FRMPD4: variants seen among roughly 807,000 people sequenced by gnomAD.
The protein encoded by FRMPD4 is FERM and PDZ domain-containing protein 4.
FRMPD4 carries 22 observed loss-of-function variants against 94.1 expected under a neutral mutation model. The observed-to-expected ratio is 0.23, with a 90% CI of 0.17 to 0.33. FRMPD4 has a LOEUF of 0.33. Ranked by LOEUF, FRMPD4 falls within the 10% of genes least tolerant of loss-of-function variation. FRMPD4 has a pLI of 1.00. For missense variants in FRMPD4, 1,111 were observed against 1,339.9 expected, an observed-to-expected ratio of 0.83 and a Z score of 2.67; for synonymous variants, 631 against 548.6, an observed-to-expected ratio of 1.15 and a Z score of -2.10.
intron 1 of FRMPD4, among the ~76,000 whole-genome samples, chrX:12,161,835 CA>C (rs777924938): frequency 2.1e-4 from 24 of 111,876 alleles, no homozygotes; most frequent in Non-Finnish European, 3.6e-4. Flanking sequence ...CAAATAGTCT[CA>C]TTTCCGATAA....
At chrX:11,928,346 C>T (rs925836501) in intron 3 of FRMPD4, among the ~76,000 whole-genome samples, 1 of 112,032 alleles carries the variant, frequency 8.9e-6, no homozygotes, top group Non-Finnish European at 1.9e-5. Flanking sequence ...GGGAAGCAAG[C>T]ATGTCCCTCT....
At chrX:12,043,459 C>T (rs763796468) in intron 3 of FRMPD4, among the ~76,000 whole-genome samples, 1 of 111,418 alleles carries the variant, frequency 9.0e-6, no homozygotes, top group East Asian at 2.8e-4. Flanking sequence ...ATGAGGTTTG[C>T]TCTAAAGGGT....
At chrX:12,425,837 A>G (rs1305404628) in intron 1 of FRMPD4, among the ~76,000 whole-genome samples, 2 of 111,735 alleles carry the variant, frequency 1.8e-5, no homozygotes, top group African/African-American at 6.5e-5. Context: ...ACTATTCTTA[A>G]ATTCTACTGG....
At chrX:11,836,605 A>G (rs752368808) in intron 1 of FRMPD4, among the ~76,000 whole-genome samples, 3 of 111,808 alleles carry the variant, frequency 2.7e-5, no homozygotes, top group Non-Finnish European at 5.7e-5. Context: ...TATTTACTGA[A>G]CAACTAGTAT....
intron 1 of FRMPD4, among the ~76,000 whole-genome samples, chrX:12,255,590 A>G (rs193279891): frequency 2.7e-3 from 304 of 112,510 alleles, no homozygotes; most frequent in Non-Finnish European, 4.7e-3. Flanking sequence ...AAATGATTCA[A>G]ACATTCAACA....
intron 1 of FRMPD4, among the ~76,000 whole-genome samples, chrX:12,315,380 A>G (rs910517601): frequency 8.0e-5 from 9 of 112,333 alleles, no homozygotes; most frequent in Non-Finnish European, 1.5e-4. Flanking sequence ...TGTAGTAATA[A>G]TTATTCACTG....
intron 1 of FRMPD4, among the ~76,000 whole-genome samples, chrX:12,414,623 G>A (rs1372048390): frequency 9.0e-6 from 1 of 111,493 alleles, no homozygotes; most frequent in Non-Finnish European, 1.9e-5. Context: ...AGGTTTCGGA[G>A]AGCCATTAGT....
At chrX:11,891,947 G>A (rs2053876323) in intron 3 of FRMPD4, among the ~76,000 whole-genome samples, 1 of 112,173 alleles carries the variant, frequency 8.9e-6, no homozygotes, top group African/African-American at 3.2e-5. Context: ...ATGAATGAAT[G>A]ATTTGATGAA....
At chrX:12,112,065 G>A (rs1376436400) in intron 3 of FRMPD4, among the ~76,000 whole-genome samples, 3 of 111,757 alleles carry the variant, frequency 2.7e-5, no homozygotes, top group African/African-American at 9.8e-5. Flanking sequence ...TCCCATTACT[G>A]GGTATATACC....
intron 1 of FRMPD4, among the ~76,000 whole-genome samples, chrX:12,375,924 G>A (rs2056231237): frequency 8.9e-6 from 1 of 112,265 alleles, no homozygotes; most frequent in African/African-American, 3.2e-5. Flanking sequence ...TGATGGGTCT[G>A]AAATCCCTCT....
chrX:12,217,437 C>T (rs1019328910), intron 1 of FRMPD4, among the ~76,000 whole-genome samples: 17 of 111,735 alleles, frequency 1.5e-4, no homozygotes, highest in African/African-American at 4.2e-4. Flanking sequence ...GTGGGCAGCG[C>T]GTCAGTCTCA....
chrX:12,389,940 G>T (rs1238505777), intron 1 of FRMPD4, among the ~76,000 whole-genome samples: 1 of 111,986 alleles, frequency 8.9e-6, no homozygotes, highest in Non-Finnish European at 1.9e-5. Context: ...ACTGTGCTGA[G>T]ATTTAACCCT....
intron 2 of FRMPD4, among the ~76,000 whole-genome samples, chrX:12,608,600 C>T (rs964964396): frequency 1.8e-4 from 20 of 112,541 alleles, no homozygotes; most frequent in African/African-American, 6.5e-4. Flanking sequence ...TTCAATTTTA[C>T]TGCGGCCAGA....
At chrX:11,953,652 C>T (rs2054238252) in intron 3 of FRMPD4, among the ~76,000 whole-genome samples, 1 of 111,467 alleles carries the variant, frequency 9.0e-6, no homozygotes, top group African/African-American at 3.3e-5. Flanking sequence ...AAGGAATTTT[C>T]TTTTATAAGA....
chrX:12,625,396 A>G (rs1396229068), intron 4 of FRMPD4, among the ~76,000 whole-genome samples: 1 of 112,142 alleles, frequency 8.9e-6, no homozygotes, highest in Admixed American at 9.4e-5. Context: ...CTAAGTGTTC[A>G]TCAATGGATG....
At chrX:12,364,049 A>T in intron 1 of FRMPD4, among the ~76,000 whole-genome samples, 1 of 111,832 alleles carries the variant, frequency 8.9e-6, no homozygotes, top group African/African-American at 3.3e-5. Context: ...TCAGAAACTT[A>T]TGTTTCCATA....
intron 1 of FRMPD4, among the ~76,000 whole-genome samples, chrX:11,860,609 G>C (rs2053680865): frequency 8.9e-6 from 1 of 112,176 alleles, no homozygotes; most frequent in Non-Finnish European, 1.9e-5. Context: ...CACAGGATGT[G>C]TGCCAATCAC....
intron 3 of FRMPD4, among the ~76,000 whole-genome samples, chrX:12,064,321 T>A (rs2054905080): frequency 8.9e-6 from 1 of 112,349 alleles, no homozygotes. Flanking sequence ...CAAGTTTGTG[T>A]CAGAGTTGGG....
At chrX:12,332,581 A>G (rs1414022750) in intron 1 of FRMPD4, among the ~76,000 whole-genome samples, 1 of 111,278 alleles carries the variant, frequency 9.0e-6, no homozygotes, top group Non-Finnish European at 1.9e-5. Flanking sequence ...GTTTATGTCC[A>G]AATTAATTTT....
Sources: gnomAD v4.1 joint callset for allele counts (sites outside exome capture counted in the v4.1 genomes callset) on GRCh38, gnomAD v4.1.1 for gene constraint, MANE v1.5 for transcripts, NCBI Gene and HGNC (gene_info 2026-07-23, HGNC 2026-07-21) for gene names.